H1-8: variants seen among roughly 807,000 people sequenced by gnomAD.
H1-8 encodes the protein H1.8 linker histone, also known as histone H1.8.
H1-8 carries 13 observed loss-of-function variants against 19.5 expected under a neutral mutation model. That is an observed-to-expected ratio of 0.67 (90% CI 0.43 to 1.06). The LOEUF is 1.06. Among genes scored for constraint, H1-8 ranks in the 50% least tolerant of loss-of-function variants. The pLI, the probability that H1-8 is intolerant of heterozygous loss-of-function variation, is 0.00. For missense variants in H1-8, 432 were observed against 459.8 expected (o/e 0.94, Z 0.55); for synonymous variants, 193 against 187.6 (o/e 1.03, Z -0.24).
chr3:129,546,093 G>A (rs1442061821), intron 1 of H1-8, among the ~76,000 whole-genome samples: 2 of 150,706 alleles, frequency 1.3e-5, no homozygotes, highest in Admixed American at 6.6e-5. Flanking sequence ...ACTGAGCAAT[G>A]TAGTGAGACC....
chr3:129,551,198 C>T lies in H1-8; in HGVS notation c.899C>T (p.Ala300Val). 1.2e-6 allele frequency: 2 copies of T among 1,614,242 alleles called. No homozygotes were observed. ...KAGQGPNTKA[A>V]APAKGSGSKV... is the part of the protein sequence containing the mutation. Reference sequence around the variant, plus strand: ...GGGCAGGGGCCAAACACCAAGGCTGCTGCTCCTGCTAAGGGCAGTGGGTCC... The same window carrying T: ...GGGCAGGGGCCAAACACCAAGGCTGTTGCTCCTGCTAAGGGCAGTGGGTCC... Residue 300 changes from alanine to valine, a missense_variant, in exon 5 of 5, where the codon GCT (alanine) becomes GTT (valine). Coordinates refer to ENST00000324382, the MANE Select transcript of H1-8 (RefSeq NM_153833.3).
intron 1 of H1-8, 55 bp downstream of exon 1, chr3:129,543,361 G>A: frequency 7.7e-7 from 1 of 1,298,006 alleles, no homozygotes. Context: ...TCCCTGGGTT[G>A]CCTTTGATGC....
chr3:129,545,902 G>A lies in H1-8; in HGVS notation c.89-1489G>A, dbSNP rs118024252. Among the ~76,000 whole-genome samples the A allele has an allele frequency of 1.7e-3, 261 of 152,198 alleles. 4 individuals are homozygous for A. The East Asian group carries it at 0.037, about 22-fold the overall frequency. On this transcript the variant is annotated intron_variant, in intron 1 of 4. Coordinates refer to ENST00000324382, the MANE Select transcript of H1-8 (RefSeq NM_153833.3). The stretch of plus-strand genomic sequence containing the variant: ...ATAGTGCTGCTATGAACATTCATGT[G>A]TACATTTTTGTGTGGACATGCGTTT...
intron 3 of H1-8, 59 bp downstream of exon 3, chr3:129,549,423 C>CGG (rs2084917458): frequency 7.9e-7 from 1 of 1,266,800 alleles, no homozygotes; most frequent in Non-Finnish European, 1.0e-6. Flanking sequence ...GCCACTGGAG[C>CGG]GGGGGCGGGG....
Position 129,550,757 on chromosome 3 carries a change from C to T in H1-8, c.755C>T (p.Ala252Val). Reference protein sequence around the residue: ...GSRSSQGDAEAYRKTKAESKS... With the variant: ...GSRSSQGDAEVYRKTKAESKS... Reference sequence around the variant, plus strand: ...CATCAAATTCCAGGAGATGCTGAGGCCTACAGGAAAACCAAAGCTGAGAGT... The same window carrying T: ...CATCAAATTCCAGGAGATGCTGAGGTCTACAGGAAAACCAAAGCTGAGAGT... Residue 252 changes from alanine (A) to valine (V), a missense_variant, in exon 4 of 5, where the codon GCC becomes GTC. Ala to Val is a moderately conservative substitution (Grantham distance 64). Transcript: ENST00000324382. The T allele has an allele frequency of 6.2e-7, 1 of 1,613,984 alleles. No individual in the cohort carries two copies. The highest frequency in any genetic ancestry group is 8.5e-7 in the Non-Finnish European group (1 of 1,179,878).
chr3:129,543,253 C>T lies in H1-8; in HGVS notation c.35C>T (p.Pro12Leu), dbSNP rs777843231. The change falls in exon 1 of 5, where the codon CCC becomes CTC. Residue 12 changes from proline (P) to leucine (L), a missense_variant. Physicochemically the swap from Pro to Leu is moderately conservative, Grantham distance 98. Coordinates refer to ENST00000324382, the MANE Select transcript of H1-8 (RefSeq NM_153833.3). ...APGSVTSDISPSSTSTAGSSR... is the reference protein window; with the variant it reads ...APGSVTSDISLSSTSTAGSSR... ...GGGAGCGTCACCAGCGACATCTCAC[C>T]CTCCTCGACTTCCACAGCAGGATCA... 1.2e-6 allele frequency: 2 copies of T among 1,613,776 alleles called. No homozygotes were observed. The highest frequency in any genetic ancestry group is 1.7e-6 in the Non-Finnish European group (2 of 1,179,848).
At chr3:129,550,406 T>TA (rs1410247494) in intron 3 of H1-8, among the ~76,000 whole-genome samples, 10 of 151,492 alleles carry the variant, frequency 6.6e-5, no homozygotes, top group African/African-American at 1.9e-4. Context: ...GTCTTAAAAG[T>TA]AAAAAAAAGT....
chr3:129,547,781 C>T, intron 2 of H1-8, 101 bp downstream of exon 2: 2 of 1,117,726 alleles, frequency 1.8e-6, no homozygotes, highest in Non-Finnish European at 2.5e-6. Context: ...CCTCCGGTCC[C>T]CTGTCCTTGT....
intron 1 of H1-8, among the ~76,000 whole-genome samples, chr3:129,543,639 G>A (rs1270475380): frequency 6.6e-6 from 1 of 152,206 alleles, no homozygotes; most frequent in Non-Finnish European, 1.5e-5. Context: ...GCAGCTGTGG[G>A]CAGCTAGTTG....
At chr3:129,550,121 G>C (rs922458264) in intron 3 of H1-8, among the ~76,000 whole-genome samples, 6 of 152,200 alleles carry the variant, frequency 3.9e-5, no homozygotes, top group Non-Finnish European at 8.8e-5. Context: ...TAGGGCTAGA[G>C]TTATTATTTT....
rs912343720 is a variant in H1-8, at chr3:129,548,937, G to A, written c.379-64G>A. 9.2e-6 allele frequency: 14 copies of A among 1,529,108 alleles called. No individual in the cohort carries two copies. In the Admixed American group the frequency reaches 1.1e-4, roughly 12 times the overall value. 94.7% of individuals were successfully genotyped at this position (1,529,108 alleles called of 1,614,324 possible). ...CGAGGCCTCCCATTCGGAGTCTTAC[G>A]GGGGGTGGGGGGCGTGAGGCACCTG... On this transcript the variant is annotated intron_variant, in intron 2 of 4. Coordinates refer to ENST00000324382, the MANE Select transcript of H1-8 (RefSeq NM_153833.3).
At chr3:129,547,259 C>T (rs2084895236) in intron 1 of H1-8, 132 bp from the exon 2 acceptor site, 1 of 897,394 alleles carries the variant, frequency 1.1e-6, no homozygotes, top group East Asian at 2.7e-5. Context: ...GCTCCCATGC[C>T]AGCGGTCAGT....
At chr3:129,548,062 T>C (rs1180584020) in intron 2 of H1-8, among the ~76,000 whole-genome samples, 1 of 152,116 alleles carries the variant, frequency 6.6e-6, no homozygotes, top group East Asian at 1.9e-4. Flanking sequence ...GAGAGTTTCA[T>C]CTTTATAAGG....
chr3:129,549,064 AGAGCGG>A lies in H1-8; in HGVS notation c.444_449del (p.Arg148_Gly150delinsSer). 6.2e-7 allele frequency: 1 copy of A among 1,613,030 alleles called. No homozygotes were observed. Among genetic ancestry groups the A allele is most frequent in the South Asian group, 1.1e-5 (1 of 90,944 alleles). On this transcript the variant is annotated inframe_deletion, in exon 3 of 5. Coordinates refer to ENST00000324382, the MANE Select transcript of H1-8 (RefSeq NM_153833.3). Reference sequence around the variant, plus strand: ...GATGGCCCCCGCGACGGCTCCCAGGAGAGCGGGTGAGGCCAAGGGGAAGGGCCCCAA... The same window carrying A: ...GATGGCCCCCGCGACGGCTCCCAGGAGTGAGGCCAAGGGGAAGGGCCCCAA...
intron 1 of H1-8, among the ~76,000 whole-genome samples, chr3:129,545,297 A>G (rs376547295): frequency 3.3e-5 from 5 of 152,166 alleles, no homozygotes; most frequent in African/African-American, 9.7e-5. Flanking sequence ...AATTCTGCAG[A>G]TTGATCAGAA....
intron 3 of H1-8, 114 bp from the exon 4 acceptor site, chr3:129,550,631 C>A: frequency 1.2e-6 from 1 of 808,870 alleles, no homozygotes; most frequent in Non-Finnish European, 2.1e-6. Context: ...TGTCACATAA[C>A]TGAGTGAAGA....
At chr3:129,548,580 T>G in intron 2 of H1-8, 1 of 831,234 alleles carries the variant, frequency 1.2e-6, no homozygotes, top group Non-Finnish European at 1.5e-6. Context: ...CCTTGGTGAT[T>G]GTCCTGCTGT....
At chr3:129,544,402 A>C (rs563597567) in intron 1 of H1-8, among the ~76,000 whole-genome samples, 11 of 151,646 alleles carry the variant, frequency 7.3e-5, no homozygotes, top group South Asian at 6.3e-4. Context: ...GGGGCTGGGG[A>C]GTTGGAGAGG....
chr3:129,548,224 C>A, intron 2 of H1-8: 1 of 592,032 alleles, frequency 1.7e-6, no homozygotes, highest in South Asian at 7.5e-5. Flanking sequence ...TCCCCTGCAT[C>A]TTGCCTAACT....
Sources: allele counts gnomAD v4.1 joint callset (sites outside exome capture counted in the v4.1 genomes callset), GRCh38; gene constraint gnomAD v4.1.1; transcripts MANE v1.5; gene names NCBI Gene and HGNC (gene_info 2026-07-23, HGNC 2026-07-21).